Variants in DOCK1 observed in about 807,000 individuals in gnomAD.
DOCK1 encodes the protein dedicator of cytokinesis protein 1.
DOCK1 carries 138 observed loss-of-function variants against 262.7 expected under a neutral mutation model. The observed-to-expected ratio is 0.53, with a 90% confidence interval of 0.46 to 0.61. The LOEUF is 0.61. Among genes scored for constraint, DOCK1 ranks in the 20% least tolerant of loss-of-function variants. DOCK1 has a pLI of 0.00. For synonymous variants in DOCK1, 866 were observed against 867.4 expected (o/e 1.00, Z 0.03); for missense variants, 1,908 against 2,370.7 (o/e 0.80, Z 4.05).
At chr10:127,026,448 C>A (rs777285054) in intron 16 of DOCK1, 24 bp downstream of exon 16, 24 of 1,562,808 alleles carry the variant, frequency 1.5e-5, no homozygotes, top group Admixed American at 5.7e-5. Context: ...CACTTTCTTC[C>A]CCCAAGTATT....
At chr10:127,345,684 T>C (rs1017129400) in intron 31 of DOCK1, among the ~76,000 whole-genome samples, 2 of 152,222 alleles carry the variant, frequency 1.3e-5, no homozygotes, top group African/African-American at 4.8e-5. Context: ...ACGCAGCAGC[T>C]GCAGCCCACC....
At chr10:127,000,054 T>C (rs1299653194) in intron 9 of DOCK1, 118 bp from the exon 10 acceptor site, 1 of 1,163,682 alleles carries the variant, frequency 8.6e-7, no homozygotes, top group African/African-American at 1.5e-5. Flanking sequence ...AATAACTGAT[T>C]AAAATGATAA....
intron 1 of DOCK1, among the ~76,000 whole-genome samples, chr10:126,940,614 G>T (rs2034912655): frequency 6.6e-6 from 1 of 152,092 alleles, no homozygotes; most frequent in Non-Finnish European, 1.5e-5. Context: ...ATGTTGGCCA[G>T]GCTAGTCTCG....
intron 1 of DOCK1, among the ~76,000 whole-genome samples, chr10:126,960,937 C>A (rs1016806106): frequency 6.6e-6 from 1 of 150,514 alleles, no homozygotes; most frequent in Non-Finnish European, 1.5e-5. Flanking sequence ...ATATTTTATT[C>A]CGAAGAAAGA....
intron 25 of DOCK1, among the ~76,000 whole-genome samples, chr10:127,119,809 G>C (rs1367068842): frequency 1.3e-5 from 2 of 152,180 alleles, no homozygotes; most frequent in Non-Finnish European, 2.9e-5. Context: ...ATTCATTCTT[G>C]TATTTGCATC....
At chr10:126,924,331 G>T (rs1027754574) in intron 1 of DOCK1, among the ~76,000 whole-genome samples, 2 of 130,574 alleles carry the variant, frequency 1.5e-5, no homozygotes, top group East Asian at 2.4e-4. Context: ...ACTCAGTAGG[G>T]GGAGGCTGTG....
Position 126,962,000 on chromosome 10 carries a change from C to T in DOCK1, c.47-8702C>T, listed in dbSNP as rs1422194306. Among the ~76,000 whole-genome samples the T allele has an allele frequency of 2.0e-5, 3 of 152,004 alleles. 1 individual carries two copies. The East Asian group carries it at 5.8e-4, about 29-fold the overall frequency. On this transcript the variant is annotated intron_variant, in intron 1 of 51. Transcript: ENST00000623213. ...TTGTTATTTTCTGTTTTGGTTTTTG[C>T]TTTTTTTATTTTTTTGAGACAGGGT...
At chr10:127,393,628 C>A (rs185176729) in intron 38 of DOCK1, among the ~76,000 whole-genome samples, 3 of 152,244 alleles carry the variant, frequency 2.0e-5, no homozygotes, top group Non-Finnish European at 4.4e-5. Flanking sequence ...TAAAGTTTCT[C>A]TGCCTTTGTG....
rs571610241 is a variant in DOCK1, at chr10:127,050,983, A to G, written c.2202-1698A>G. 3.9e-3 allele frequency among the ~76,000 whole-genome samples: 590 copies of G among 152,226 alleles called. 1 individual carries two copies. The highest frequency in any genetic ancestry group is 5.8e-3 in the Non-Finnish European group (394 of 67,982). On this transcript the variant is annotated intron_variant, in intron 21 of 51. Coordinates refer to ENST00000623213, the MANE Select transcript of DOCK1 (RefSeq NM_001290223.2). ...CTTTAGCAAGGAATTAAAAAAACCT[A>G]TCTATGAATTAAACACTGAAAATAT...
intron 27 of DOCK1, among the ~76,000 whole-genome samples, chr10:127,165,528 C>A (rs2053995962): frequency 6.6e-6 from 1 of 152,068 alleles, no homozygotes; most frequent in South Asian, 2.1e-4. Flanking sequence ...CATTTTTTCC[C>A]CCAGGATCTC....
chr10:127,262,096 G>C (rs2060181440), intron 29 of DOCK1, among the ~76,000 whole-genome samples: 1 of 139,420 alleles, frequency 7.2e-6, no homozygotes, highest in South Asian at 2.3e-4. Flanking sequence ...GTGTACCCGT[G>C]CTCCTCTGTG....
At chr10:127,014,741 G>A (rs1032812433) in intron 12 of DOCK1, 13 of 152,256 alleles carry the variant, frequency 8.5e-5, no homozygotes, top group African/African-American at 3.1e-4. Context: ...GTGAGCCACG[G>A]TGCCAGTTCC....
At chr10:127,238,474 T>C (rs2059150881) in intron 27 of DOCK1, among the ~76,000 whole-genome samples, 1 of 152,176 alleles carries the variant, frequency 6.6e-6, no homozygotes, top group African/African-American at 2.4e-5. Context: ...AACCTTCAGT[T>C]ATCAAGTTCT....
At chr10:127,271,093 G>A (rs755013261) in intron 29 of DOCK1, among the ~76,000 whole-genome samples, 3 of 151,752 alleles carry the variant, frequency 2.0e-5, no homozygotes, top group Non-Finnish European at 2.9e-5. Flanking sequence ...TATCTGTGCT[G>A]TAGATATCTT....
intron 27 of DOCK1, among the ~76,000 whole-genome samples, chr10:127,170,717 T>C (rs549337198): frequency 6.6e-6 from 1 of 152,286 alleles, no homozygotes; most frequent in East Asian, 1.9e-4. Context: ...TAATAATTGA[T>C]TGGGTTTTTT....
At chr10:126,939,398 G>A (rs892321043) in intron 1 of DOCK1, among the ~76,000 whole-genome samples, 6 of 152,160 alleles carry the variant, frequency 3.9e-5, no homozygotes, top group Non-Finnish European at 4.4e-5. Flanking sequence ...TTTCAAGATT[G>A]TTTTGGCTAT....
intron 27 of DOCK1, among the ~76,000 whole-genome samples, chr10:127,140,751 C>T (rs955477476): frequency 2.0e-5 from 3 of 152,008 alleles, no homozygotes; most frequent in African/African-American, 4.8e-5. Context: ...TGGCTGACAT[C>T]GAACAAAGGT....
At chr10:126,948,837 C>A (rs1009423751) in intron 1 of DOCK1, among the ~76,000 whole-genome samples, 3 of 152,058 alleles carry the variant, frequency 2.0e-5, no homozygotes, top group Non-Finnish European at 2.9e-5. Flanking sequence ...ACCTTGCCCC[C>A]TATGCCTTTC....
chr10:127,190,528 C>T (rs951208725), intron 27 of DOCK1, among the ~76,000 whole-genome samples: 10 of 110,316 alleles, frequency 9.1e-5, no homozygotes, highest in Non-Finnish European at 1.2e-4. Context: ...CGCTGTGAAT[C>T]GCTTCATCCA....
Sources: gnomAD v4.1 joint callset for allele counts (sites outside exome capture counted in the v4.1 genomes callset) on GRCh38, gnomAD v4.1.1 for gene constraint, MANE v1.5 for transcripts, NCBI Gene and HGNC (gene_info 2026-07-23, HGNC 2026-07-21) for gene names.